Variants in THADA observed in about 807,000 individuals in gnomAD.
THADA encodes the protein tRNA (32-2'-O)-methyltransferase regulator THADA.
Under a neutral mutation model 219.8 loss-of-function variants are expected in THADA, and 213 were observed. The observed-to-expected ratio is 0.97, with a 90% CI of 0.87 to 1.09. The LOEUF is 1.09. Ranked by LOEUF, THADA falls within the 50% of genes least tolerant of loss-of-function variation. The pLI, the probability that THADA is intolerant of heterozygous loss-of-function variation, is 0.00. For missense variants in THADA, 2,956 were observed against 2,311.3 expected, an observed-to-expected ratio of 1.28 and a Z score of -5.72; for synonymous variants, 1,018 against 828.9, an observed-to-expected ratio of 1.23 and a Z score of -3.92.
chr2:43,524,675 T>C (rs979929656), intron 22 of THADA, among the ~76,000 whole-genome samples: 2 of 152,194 alleles, frequency 1.3e-5, no homozygotes, highest in Non-Finnish European at 2.9e-5. Flanking sequence ...TGCAAAACAT[T>C]CTGTTCAGCA....
intron 30 of THADA, among the ~76,000 whole-genome samples, chr2:43,339,908 A>G (rs1313567115): frequency 6.6e-6 from 1 of 152,162 alleles, no homozygotes; most frequent in Non-Finnish European, 1.5e-5. Context: ...AGCATAGGCA[A>G]CACAGCCAGA....
At chr2:43,322,921 C>T (rs556045563) in intron 30 of THADA, among the ~76,000 whole-genome samples, 2 of 151,986 alleles carry the variant, frequency 1.3e-5, no homozygotes, top group African/African-American at 2.4e-5. Flanking sequence ...CTCCTGACCT[C>T]GTGATCCACC....
In THADA at chr2:43,517,483, A is replaced by G. The variant is rs192406107; in HGVS notation, c.3375-8703T>C. ...CCAAACAATAGTTTACTTACAAAGC[A>G]CAAGAAGGAAGAAAATCCTTTCCCT... On this transcript the variant is annotated intron_variant, in intron 22 of 37. Coordinates refer to ENST00000405975, the MANE Select transcript of THADA (RefSeq NM_022065.5). 1.9e-4 allele frequency among the ~76,000 whole-genome samples: 29 copies of G among 152,306 alleles called. No individual in the cohort carries two copies. In the East Asian group the frequency reaches 5.0e-3, roughly 26 times the overall value.
intron 31 of THADA, among the ~76,000 whole-genome samples, chr2:43,308,756 ACC>A (rs1290644230): frequency 0.03 from 675 of 22,856 alleles, 46 homozygotes; most frequent in South Asian, 0.13. Context: ...GGATACCCAT[ACC>A]AAAAAAAAAA....
chr2:43,532,423 A>AG (rs1694004575), intron 21 of THADA, among the ~76,000 whole-genome samples: 1 of 151,584 alleles, frequency 6.6e-6, no homozygotes, highest in Admixed American at 6.6e-5. Flanking sequence ...AAAAAAAAAA[A>AG]AAAAAAAAAA....
At chr2:43,595,099 G>A (rs994782671) in intron 1 of THADA, among the ~76,000 whole-genome samples, 4 of 152,138 alleles carry the variant, frequency 2.6e-5, no homozygotes, top group Admixed American at 6.5e-5. Flanking sequence ...AACACTTCAC[G>A]AATAAACAAA....
At chr2:43,268,580 C>G (rs940051776) in intron 36 of THADA, among the ~76,000 whole-genome samples, 1 of 152,200 alleles carries the variant, frequency 6.6e-6, no homozygotes, top group Non-Finnish European at 1.5e-5. Flanking sequence ...GATTTGAGAA[C>G]AGAATTGGAG....
intron 28 of THADA, among the ~76,000 whole-genome samples, chr2:43,407,935 G>C (rs1236251571): frequency 2.0e-5 from 3 of 151,936 alleles, no homozygotes; most frequent in Non-Finnish European, 4.4e-5. Flanking sequence ...TTTTTTTGTT[G>C]TGATAATGAA....
chr2:43,499,489 G>A (rs1004461136), intron 24 of THADA, among the ~76,000 whole-genome samples: 1 of 152,104 alleles, frequency 6.6e-6, no homozygotes, highest in Admixed American at 6.6e-5. Context: ...CGATTCTCCT[G>A]CCTCAGCCTC....
chr2:43,498,703 C>A, intron 25 of THADA, 130 bp downstream of exon 25: 13 of 1,051,422 alleles, frequency 1.2e-5, no homozygotes, highest in Non-Finnish European at 1.3e-5. Flanking sequence ...GTAGCTTGAT[C>A]CAAAGATTTC....
intron 8 of THADA, among the ~76,000 whole-genome samples, chr2:43,579,674 C>T (rs1700207675): frequency 6.6e-6 from 1 of 152,164 alleles, no homozygotes; most frequent in African/African-American, 2.4e-5. Flanking sequence ...TGGATTTAAG[C>T]CAGTCACTTG....
intron 31 of THADA, among the ~76,000 whole-genome samples, chr2:43,296,665 G>A (rs1472828125): frequency 2.6e-5 from 4 of 152,248 alleles, no homozygotes; most frequent in African/African-American, 9.6e-5. Context: ...TCTAAAAACC[G>A]AATCTCATAA....
At chr2:43,539,989 T>C (rs771927787) in intron 21 of THADA, among the ~76,000 whole-genome samples, 23 of 152,236 alleles carry the variant, frequency 1.5e-4, no homozygotes, top group Non-Finnish European at 2.1e-4. Flanking sequence ...ATTTGTTTTT[T>C]AAACACTACC....
chr2:43,265,849 T>G (rs1671449967), intron 36 of THADA, among the ~76,000 whole-genome samples: 1 of 152,042 alleles, frequency 6.6e-6, no homozygotes. Flanking sequence ...AGTGGGTTCT[T>G]GGGAGTTTTC....
intron 26 of THADA, among the ~76,000 whole-genome samples, chr2:43,451,844 C>G (rs530004175): frequency 3.9e-5 from 6 of 152,206 alleles, no homozygotes; most frequent in Non-Finnish European, 7.3e-5. Context: ...CAGTGGCTCA[C>G]GCCTGTAATC....
intron 19 of THADA, 76 bp downstream of exon 19, chr2:43,551,713 T>C (rs1696769692): frequency 2.2e-6 from 3 of 1,334,998 alleles, no homozygotes; most frequent in Non-Finnish European, 2.0e-6. Context: ...AAAGAAATAC[T>C]TGGGGAAAAA....
intron 29 of THADA, among the ~76,000 whole-genome samples, chr2:43,344,613 T>C (rs1217631006): frequency 3.3e-5 from 5 of 152,222 alleles, no homozygotes; most frequent in Non-Finnish European, 5.9e-5. Flanking sequence ...AAAGTCAAAG[T>C]CTTAAATTTA....
At chr2:43,566,613 G>A in intron 15 of THADA, 85 bp downstream of exon 15, 1 of 1,447,498 alleles carries the variant, frequency 6.9e-7, no homozygotes, top group Non-Finnish European at 9.6e-7. Flanking sequence ...CAACAAAACT[G>A]AAACTTCAAA....
intron 7 of THADA, among the ~76,000 whole-genome samples, chr2:43,585,109 G>A (rs1242887522): frequency 6.6e-6 from 1 of 152,190 alleles, no homozygotes; most frequent in East Asian, 1.9e-4. Context: ...CCAAGGAAGA[G>A]TTACCCCAAG....
Sources: allele counts gnomAD v4.1 joint callset (sites outside exome capture counted in the v4.1 genomes callset), GRCh38; gene constraint gnomAD v4.1.1; transcripts MANE v1.5; gene names NCBI Gene and HGNC (gene_info 2026-07-23, HGNC 2026-07-21).